The following MRM3 variants were observed in gnomAD, a reference collection of about 807,000 sequenced individuals.
MRM3 encodes mitochondrial rRNA methyltransferase 3, also known as rRNA methyltransferase 3, mitochondrial.
MRM3 carries 26 observed loss-of-function variants against 29.4 expected under a neutral mutation model. That is an observed-to-expected ratio of 0.89 (90% CI 0.65 to 1.23). MRM3 has a LOEUF of 1.23. MRM3 is among the 50% of genes most tolerant of loss of function. The pLI is 0.00. For synonymous variants in MRM3, 225 were observed against 219.0 expected (o/e 1.03, Z -0.24); for missense variants, 578 against 540.2 (o/e 1.07, Z -0.69).
chr17:791,140 G>T (rs1053022775), intron 3 of MRM3, among the ~76,000 whole-genome samples: 1 of 152,084 alleles, frequency 6.6e-6, no homozygotes, highest in African/African-American at 2.4e-5. Context: ...TTTCCTCATC[G>T]CCCTGCTTTG....
rs377227238 is a variant in MRM3, at chr17:787,795, C to T, written c.560-170C>T. ...GACTCCTGACCTCAGGTGATCCACC[C>T]GCCTTGGCCTCCCGAAGTGTTGGGA... On this transcript the variant is annotated intron_variant, in intron 2 of 3. Coordinates refer to ENST00000304478, the MANE Select transcript of MRM3 (RefSeq NM_018146.4). The surrounding 1 kb of genome is among the most constrained non-coding windows in gnomAD (Gnocchi z 4.1). Among the ~76,000 whole-genome samples the T allele has an allele frequency of 2.7e-4, 41 of 152,340 alleles. No individual in the cohort carries two copies. The South Asian group carries it at 6.0e-3, about 22-fold the overall frequency.
Position 787,024 on chromosome 17 carries a change from C to G in MRM3, c.560-941C>G, listed in dbSNP as rs138627517. Among the ~76,000 whole-genome samples the G allele has an allele frequency of 3.6e-4, 55 of 152,264 alleles. No homozygotes were observed. Among genetic ancestry groups the G allele is most frequent in the African/African-American group, 1.2e-3 (51 of 41,556 alleles). On this transcript the variant is annotated intron_variant, in intron 2 of 3. Coordinates refer to ENST00000304478, the MANE Select transcript of MRM3 (RefSeq NM_018146.4). The surrounding 1 kb of genome is among the most constrained non-coding windows in gnomAD (Gnocchi z 4.1). ...TTGGGAGGCCGAGGAGGGTGGATCA[C>G]CTGAGGTCAGGAGTTCGAGACCAGC... is the stretch of plus-strand genomic sequence containing the variant.
intron 3 of MRM3, among the ~76,000 whole-genome samples, chr17:789,077 G>C (rs898878316): frequency 6.6e-6 from 1 of 152,080 alleles, no homozygotes; most frequent in South Asian, 2.1e-4. Context: ...CTCCTGCCTC[G>C]GCCTGTCAAA....
In MRM3 at chr17:783,187, T is replaced by G; in HGVS notation, c.419T>G (p.Val140Gly). ...LISDALKAGA[V>G]PKMFFFSRLE... ...TCAGACGCTCTCAAGGCTGGAGCTG[T>G]GCCAAAAATGTTCTTCTTTAGCCGT... Residue 140 changes from valine (V) to glycine (G), a missense_variant, in exon 2 of 4, where the codon GTG (valine) becomes GGG (glycine). Val to Gly is a moderately radical substitution (Grantham distance 109). Transcript: ENST00000304478. 1 of 1,614,122 alleles carries G rather than the reference T, an allele frequency of 6.2e-7. No individual in the cohort carries two copies. The highest frequency in any genetic ancestry group is 2.2e-5 in the East Asian group (1 of 44,888).
rs1280486147 is a variant in MRM3 at position 787,573 on chromosome 17, G to C, written c.560-392G>C. ...TTTCCTTTTTTTTCTTTTTGAGAGG[G>C]AGTCTCACTGTGTCGCCCAGGCTGG... On this transcript the variant is annotated intron_variant, in intron 2 of 3. Transcript: ENST00000304478. The surrounding 1 kb of genome is among the most constrained non-coding windows in gnomAD (Gnocchi z 4.1). 6.6e-6 allele frequency among the ~76,000 whole-genome samples: 1 copy of C among 151,862 alleles called. No individual in the cohort carries two copies. Among genetic ancestry groups the C allele is most frequent in the Admixed American group, 6.6e-5 (1 of 15,246 alleles).
rs112735483 is a variant in MRM3, at chr17:787,811, A to G, written c.560-154A>G. On this transcript the variant is annotated intron_variant, in intron 2 of 3. Coordinates refer to ENST00000304478, the MANE Select transcript of MRM3 (RefSeq NM_018146.4). The surrounding 1 kb of genome is among the most constrained non-coding windows in gnomAD (Gnocchi z 4.1). ...TGATCCACCCGCCTTGGCCTCCCGAAGTGTTGGGATTACAGGCATGAGCCA... is the reference window on the plus strand; with the variant it reads ...TGATCCACCCGCCTTGGCCTCCCGAGGTGTTGGGATTACAGGCATGAGCCA... Among the ~76,000 whole-genome samples the G allele has an allele frequency of 1.3e-5, 2 of 152,278 alleles. No homozygotes were observed. Among genetic ancestry groups the G allele is most frequent in the East Asian group, 1.9e-4 (1 of 5,188 alleles).
chr17:784,285 A>G (rs985978881), intron 2 of MRM3, among the ~76,000 whole-genome samples: 3 of 152,242 alleles, frequency 2.0e-5, no homozygotes, highest in African/African-American at 7.2e-5. Context: ...AGTGAGTCAC[A>G]GGGATCTGTG....
At position 782,361 on chromosome 17, in the gene MRM3, G is replaced by A. The variant is rs189016834; in HGVS notation, c.-18G>A. On this transcript the variant is annotated 5_prime_UTR_variant, in exon 1 of 4. Transcript: ENST00000304478. Reference sequence around the variant, plus strand: ...GCCGACGGCGCGCTTTCGTGACGCAGCCCGGGTCTCAGGGAACATGGCGGC... The same window carrying A: ...GCCGACGGCGCGCTTTCGTGACGCAACCCGGGTCTCAGGGAACATGGCGGC... 463 of 1,613,260 alleles carry A rather than the reference G, an allele frequency of 2.9e-4. No individual in the cohort carries two copies. The African/African-American group carries it at 5.7e-3, about 20-fold the overall frequency.
rs761172235 is a variant in MRM3, at chr17:792,108, T to G, written c.*39T>G. ...ACTTCTGCTTGAGGACGTCTGCAGC[T>G]CCTCCTACACCAGCACACTGGTGGG... On this transcript the variant is annotated 3_prime_UTR_variant, in exon 4 of 4. Coordinates refer to ENST00000304478, the MANE Select transcript of MRM3 (RefSeq NM_018146.4). 2.6e-6 allele frequency: 4 copies of G among 1,547,150 alleles called. No homozygotes were observed. The highest frequency in any genetic ancestry group is 3.5e-6 in the Non-Finnish European group (4 of 1,143,248).
chr17:786,162 G>A (rs11650328), intron 2 of MRM3, among the ~76,000 whole-genome samples: 17,918 of 152,232 alleles, frequency 0.12, 1,096 homozygotes, highest in South Asian at 0.18. Flanking sequence ...ATGCAGTGGC[G>A]CGATCTTGCC....
In MRM3 at chr17:791,909, A is replaced by G; in HGVS notation, c.1103A>G (p.Gln368Arg). 6.2e-7 allele frequency: 1 copy of G among 1,613,948 alleles called. No homozygotes were observed. Among genetic ancestry groups the G allele is most frequent in the Non-Finnish European group, 8.5e-7 (1 of 1,180,026 alleles). The change falls in exon 4 of 4, where the codon CAG (glutamine) becomes CGG (arginine). Residue 368 changes from glutamine (Q) to arginine (R), a missense_variant. Physicochemically the swap from Gln to Arg is conservative, Grantham distance 43. Coordinates refer to ENST00000304478, the MANE Select transcript of MRM3 (RefSeq NM_018146.4). ...TACGGCGTGAGCCTGGAGTCCCTGC[A>G]GCTGGCCGAGAGCACTGGTGGCAAG... ...ETYGVSLESLQLAESTGGKRL... is the reference protein window; with the variant it reads ...ETYGVSLESLRLAESTGGKRL...
Position 782,634 on chromosome 17 carries a change from A to T in MRM3, c.256A>T (p.Thr86Ser), listed in dbSNP as rs200285894. The T allele has an allele frequency of 2.1e-4, 331 of 1,613,702 alleles. 2 individuals carry two copies. Among genetic ancestry groups the T allele is most frequent in the Admixed American group, 4.3e-4 (26 of 60,020 alleles). ...GGAGTCCGCATCCCGCGCTCCCAGCACCTGGGAAGAGTCTGGGCTTCGCTA... is the reference window on the plus strand; with the variant it reads ...GGAGTCCGCATCCCGCGCTCCCAGCTCCTGGGAAGAGTCTGGGCTTCGCTA... ...LEESASRAPS[T>S]WEESGLRYDK... The change falls in exon 1 of 4, where the codon ACC (threonine) becomes TCC (serine). Residue 86 changes from threonine (T) to serine (S), a missense_variant. Coordinates refer to ENST00000304478, the MANE Select transcript of MRM3 (RefSeq NM_018146.4).
At position 787,399 on chromosome 17, in the gene MRM3, G is replaced by A. The variant is rs1479380316; in HGVS notation, c.560-566G>A. 6.6e-6 allele frequency among the ~76,000 whole-genome samples: 1 copy of A among 152,174 alleles called. No individual in the cohort carries two copies. The highest frequency in any genetic ancestry group is 1.5e-5 in the Non-Finnish European group (1 of 68,028). On this transcript the variant is annotated intron_variant, in intron 2 of 3. Transcript: ENST00000304478. This position sits in a 1 kb window ranked among gnomAD's most constrained non-coding sequence, Gnocchi z 4.1. ...GGAATGTAAAACACATTTACATATGGACAGGTGTGCATATATATAGGTAGA... is the reference window on the plus strand; with the variant it reads ...GGAATGTAAAACACATTTACATATGAACAGGTGTGCATATATATAGGTAGA...
intron 1 of MRM3, 66 bp from the exon 2 acceptor site, chr17:783,017 C>T: frequency 1.3e-6 from 2 of 1,544,710 alleles, no homozygotes; most frequent in East Asian, 2.3e-5. Flanking sequence ...TCTGTTACAA[C>T]TAAGCGTGTC....
In MRM3 at chr17:792,036, G is replaced by A. The variant is rs1018939562; in HGVS notation, c.1230G>A (p.Ala410=). The change falls in exon 4 of 4, where the codon GCG becomes GCA. Residue 410 remains alanine, a synonymous_variant. Transcript: ENST00000304478. ...FEGKRQLRGR[A]EDLSRDRSYH ...GGAAAAGACAGCTGCGGGGGAGGGC[G>A]GAGGACTTGAGCAGGGACAGGAGTT... 5.0e-6 allele frequency: 8 copies of A among 1,611,482 alleles called. No individual in the cohort carries two copies. In the African/African-American group the frequency reaches 5.3e-5, roughly 11 times the overall value.
intron 1 of MRM3, 29 bp from the exon 2 acceptor site, chr17:783,054 C>T: frequency 6.6e-7 from 1 of 1,512,368 alleles, no homozygotes; most frequent in African/African-American, 2.1e-5. Flanking sequence ...TGATAGTTAC[C>T]TGTTTTTTTT....
chr17:789,117 A>G (rs1467844360), intron 3 of MRM3, among the ~76,000 whole-genome samples: 1 of 152,076 alleles, frequency 6.6e-6, no homozygotes, highest in Non-Finnish European at 1.5e-5. Flanking sequence ...TAGCCGCCAT[A>G]CCCAGCCATG....
chr17:792,303 C>T lies in MRM3; in HGVS notation c.*234C>T, dbSNP rs757991161. The T allele has an allele frequency of 6.4e-6, 3 of 465,170 alleles. No individual in the cohort carries two copies. The highest frequency in any genetic ancestry group is 5.8e-4 in the Middle Eastern group (1 of 1,738). The allele number at this position is 465,170 out of a possible 1,614,324, so 28.8% of individuals were successfully genotyped here. ...TCTCTTGGTGACAATAGGTGACCCA[C>T]GTGGCTCTGTGTGTTTTTAAAAATT... On this transcript the variant is annotated 3_prime_UTR_variant, in exon 4 of 4. Transcript: ENST00000304478.
In MRM3 at chr17:792,141, C is replaced by A. The variant is rs968866419; in HGVS notation, c.*72C>A. The A allele has an allele frequency of 6.8e-6, 10 of 1,467,106 alleles. No individual in the cohort carries two copies. Among genetic ancestry groups the A allele is most frequent in the Non-Finnish European group, 9.2e-6 (10 of 1,088,362 alleles). 90.9% of individuals were successfully genotyped at this position (1,467,106 alleles called of 1,614,324 possible). ...CACCAGCACACTGGTGGGAGGCTGG[C>A]GGAGTCAGTGACTATGGCCCCCACG... is the stretch of plus-strand genomic sequence containing the variant. On this transcript the variant is annotated 3_prime_UTR_variant, in exon 4 of 4. Transcript: ENST00000304478.
Sources: allele counts gnomAD v4.1 joint callset (sites outside exome capture counted in the v4.1 genomes callset), GRCh38; gene constraint gnomAD v4.1.1; non-coding constraint Gnocchi (gnomAD v3.1); transcripts MANE v1.5; gene names NCBI Gene and HGNC (gene_info 2026-07-23, HGNC 2026-07-21).